The following MYO5B variants were observed in gnomAD, a reference collection of about 807,000 sequenced individuals.
MYO5B encodes myosin VB.
MYO5B carries 143 observed loss-of-function variants against 229.3 expected under a neutral mutation model. That is an observed-to-expected ratio of 0.62 (90% CI 0.54 to 0.72). MYO5B has a LOEUF of 0.72. MYO5B is among the 30% of genes least tolerant of loss of function. MYO5B has a pLI of 0.00. For synonymous variants in MYO5B, 918 were observed against 885.2 expected, an observed-to-expected ratio of 1.04 and a Z score of -0.66; for missense variants, 2,321 against 2,331.0, an observed-to-expected ratio of 1.00 and a Z score of 0.09.
chr18:50,095,011 G>A (rs2031522849), intron 1 of MYO5B, among the ~76,000 whole-genome samples: 2 of 152,062 alleles, frequency 1.3e-5, no homozygotes, highest in Admixed American at 1.3e-4. Flanking sequence ...TGTATTTTTA[G>A]TAGAGACAAG....
intron 1 of MYO5B, among the ~76,000 whole-genome samples, chr18:50,081,389 GCTAA>G (rs1201714804): frequency 1.3e-5 from 2 of 152,170 alleles, no homozygotes; most frequent in African/African-American, 4.8e-5. Context: ...GCCAACAAAA[GCTAA>G]CTGAGGGCTC....
intron 1 of MYO5B, among the ~76,000 whole-genome samples, chr18:50,143,966 A>G: frequency 6.6e-6 from 1 of 152,170 alleles, no homozygotes; most frequent in East Asian, 1.9e-4. Context: ...AGCCGGACAG[A>G]ATGTTATCAC....
intron 1 of MYO5B, among the ~76,000 whole-genome samples, chr18:50,117,092 A>G (rs751742300): frequency 6.6e-6 from 1 of 152,170 alleles, no homozygotes; most frequent in Non-Finnish European, 1.5e-5. Flanking sequence ...ATTCATCTAT[A>G]TTTGGTAGCT....
intron 5 of MYO5B, among the ~76,000 whole-genome samples, chr18:49,996,483 AAAG>A (rs2144319287): frequency 6.6e-6 from 1 of 152,384 alleles, no homozygotes; most frequent in East Asian, 1.9e-4. Context: ...AAAGCTGTTA[AAAG>A]AATAAACTAG....
chr18:50,040,158 T>C lies in MYO5B; in HGVS notation c.295A>G (p.Ile99Val). ...CCCCACTTACCACAGTAAGTGTAGA[T>C]ATGGTTGGACTCCAGGAAACGGACC... ...LKVRFLESNH[I>V]YTYCGIVLVA... Residue 99 changes from isoleucine to valine, a missense_variant, in exon 3 of 40, where the codon ATC becomes GTC. This residue lies in a region of MYO5B where 2,113 missense variants were observed against 2,044.7 expected (regional missense o/e 1.03). Coordinates refer to ENST00000285039, the MANE Select transcript of MYO5B (RefSeq NM_001080467.3). 1 of 1,614,096 alleles carries C rather than the reference T, an allele frequency of 6.2e-7. No homozygotes were observed. Among genetic ancestry groups the C allele is most frequent in the Non-Finnish European group, 8.5e-7 (1 of 1,180,016 alleles).
At chr18:49,839,424 G>A (rs1471941498) in intron 35 of MYO5B, 130 bp from the exon 36 acceptor site, 2 of 1,000,326 alleles carry the variant, frequency 2.0e-6, no homozygotes, top group East Asian at 4.8e-5. Context: ...CTATGTAGAT[G>A]ATGTTTTACA....
chr18:49,853,298 G>A (rs1414643128), intron 31 of MYO5B, 151 bp downstream of exon 31: 3 of 780,772 alleles, frequency 3.8e-6, no homozygotes, highest in Non-Finnish European at 4.3e-6. Context: ...CTCCAGTGAA[G>A]GGGTCTTGAC....
intron 22 of MYO5B, among the ~76,000 whole-genome samples, chr18:49,887,739 G>A (rs2024660426): frequency 6.6e-6 from 1 of 152,126 alleles, no homozygotes; most frequent in South Asian, 2.1e-4. Context: ...GGATTGCAGT[G>A]GCGCGATCTC....
chr18:50,053,298 A>C (rs2030452330), intron 2 of MYO5B, among the ~76,000 whole-genome samples: 3 of 152,046 alleles, frequency 2.0e-5, no homozygotes, highest in Non-Finnish European at 4.4e-5. Context: ...GTAGCAGGGG[A>C]AGGAGGAGAT....
chr18:49,895,295 C>A (rs949577894), intron 21 of MYO5B, 121 bp from the exon 22 acceptor site: 5 of 799,006 alleles, frequency 6.3e-6, no homozygotes, highest in Non-Finnish European at 6.4e-6. Flanking sequence ...GATTAAGTCT[C>A]ACAATCATTG....
In MYO5B at chr18:49,826,399, G is replaced by T. The variant is rs868297945; in HGVS notation, c.*72C>A. 7.0e-6 allele frequency: 11 copies of T among 1,561,566 alleles called. No individual in the cohort carries two copies. Among genetic ancestry groups the T allele is most frequent in the Middle Eastern group, 1.7e-4 (1 of 5,964 alleles). On this transcript the variant is annotated 3_prime_UTR_variant, in exon 40 of 40. Transcript: ENST00000285039. ...CTTTTACCAGATTTAACAGATCCTT[G>T]AATTTACTTTACTGTATATACTTCC...
chr18:49,952,974 TC>T (rs1452643548), intron 14 of MYO5B, among the ~76,000 whole-genome samples: 1 of 151,858 alleles, frequency 6.6e-6, no homozygotes, highest in South Asian at 2.1e-4. Context: ...TGCTCCCCTA[TC>T]CCCTCCATTA....
intron 4 of MYO5B, among the ~76,000 whole-genome samples, chr18:50,033,729 A>G (rs950230337): frequency 6.6e-6 from 1 of 152,148 alleles, no homozygotes; most frequent in African/African-American, 2.4e-5. Flanking sequence ...AGTGGACAGA[A>G]TTCATTAAAA....
At chr18:50,096,176 G>A (rs994196425) in intron 1 of MYO5B, among the ~76,000 whole-genome samples, 5 of 152,082 alleles carry the variant, frequency 3.3e-5, no homozygotes, top group African/African-American at 1.2e-4. Flanking sequence ...ACATTAAATA[G>A]CCACATTTGG....
chr18:49,906,501 A>C lies in MYO5B; in HGVS notation c.2332T>G (p.Trp778Gly). 1 of 1,614,166 alleles carries C rather than the reference A, an allele frequency of 6.2e-7. No individual in the cohort carries two copies. The highest frequency in any genetic ancestry group is 8.5e-7 in the Non-Finnish European group (1 of 1,180,030). ...TIMIQKTVRG[W>G]LQKVKYHRLK... Reference sequence around the variant, plus strand: ...CTGTGATATTTCACCTTCTGCAGCCATCCCCGGACAGTTTTCTGGATCATG... The same window carrying C: ...CTGTGATATTTCACCTTCTGCAGCCCTCCCCGGACAGTTTTCTGGATCATG... Residue 778 changes from tryptophan (W) to glycine (G), a missense_variant, in exon 19 of 40, where the codon TGG (tryptophan) becomes GGG (glycine). Trp to Gly is a radical substitution (Grantham distance 184, BLOSUM62 -2). Coordinates refer to ENST00000285039, the MANE Select transcript of MYO5B (RefSeq NM_001080467.3).
At chr18:50,050,325 A>G (rs1021336614) in intron 2 of MYO5B, among the ~76,000 whole-genome samples, 6 of 152,164 alleles carry the variant, frequency 3.9e-5, no homozygotes, top group Non-Finnish European at 7.3e-5. Flanking sequence ...AGTTGCACTG[A>G]GTACACAAGG....
Position 50,040,168 on chromosome 18 carries a change from C to T in MYO5B, c.285G>A (p.Glu95=). ...CACAGTAAGTGTAGATATGGTTGGA[C>T]TCCAGGAAACGGACCTTCAAATTAT... ...VLHNLKVRFL[E]SNHIYTYCGI... The change falls in exon 3 of 40, where the codon GAG becomes GAA. Residue 95 remains glutamate (E), a synonymous_variant. Transcript: ENST00000285039. 6.2e-7 allele frequency: 1 copy of T among 1,614,110 alleles called. No homozygotes were observed. Among genetic ancestry groups the T allele is most frequent in the Non-Finnish European group, 8.5e-7 (1 of 1,180,024 alleles).
chr18:50,114,106 G>C (rs1368940004), intron 1 of MYO5B, among the ~76,000 whole-genome samples: 1 of 151,982 alleles, frequency 6.6e-6, no homozygotes, highest in Admixed American at 6.6e-5. Flanking sequence ...GCTTAATGTC[G>C]GCCCTGTAAG....
chr18:50,169,368 T>C lies in MYO5B; in HGVS notation c.27+25399A>G, dbSNP rs2032895803. On this transcript the variant is annotated intron_variant, in intron 1 of 39. Coordinates refer to ENST00000285039, the MANE Select transcript of MYO5B (RefSeq NM_001080467.3). ...AGTCAGCATTTAATCAAGTCCCTCCTGAGGACCAGGTAACATGACAGGTAG... is the reference window on the plus strand; with the variant it reads ...AGTCAGCATTTAATCAAGTCCCTCCCGAGGACCAGGTAACATGACAGGTAG... Among the ~76,000 whole-genome samples, 2 of 127,328 alleles carry C rather than the reference T, an allele frequency of 1.6e-5. 1 individual carries two copies. Among genetic ancestry groups the C allele is most frequent in the South Asian group, 5.5e-4 (2 of 3,654 alleles). 83.5% of individuals were successfully genotyped at this position (127,328 alleles called of 152,430 possible). A position where few individuals can be genotyped will look rare whatever the true frequency, so the allele number is the denominator to read the frequency against.
Sources: allele counts gnomAD v4.1 joint callset (sites outside exome capture counted in the v4.1 genomes callset), GRCh38; gene constraint gnomAD v4.1.1; regional missense constraint gnomAD v4.1.1; transcripts MANE v1.5; gene names NCBI Gene and HGNC (gene_info 2026-07-23, HGNC 2026-07-21).